Variants in TRDMT1 observed in about 807,000 individuals in gnomAD.
The protein encoded by TRDMT1 is tRNA (cytosine(38)-C(5))-methyltransferase.
Under a neutral mutation model 51.2 loss-of-function variants are expected in TRDMT1, and 49 were observed. The observed-to-expected ratio is 0.96, with a 90% CI of 0.76 to 1.21. The LOEUF (loss-of-function observed/expected upper bound fraction) is 1.21. Ranked by LOEUF, TRDMT1 falls within the 50% of genes most tolerant of loss-of-function variation. The probability of loss-of-function intolerance (pLI) is 0.00; values close to 1 mark genes in which losing one functional copy is unlikely to be tolerated. For synonymous variants in TRDMT1, 187 were observed against 164.6 expected, an observed-to-expected ratio of 1.14 and a Z score of -1.04; for missense variants, 534 against 462.3, an observed-to-expected ratio of 1.16 and a Z score of -1.42.
intron 1 of TRDMT1, among the ~76,000 whole-genome samples, chr10:17,185,607 CGT>C (rs1212178981): frequency 6.6e-6 from 1 of 152,130 alleles, no homozygotes; most frequent in Non-Finnish European, 1.5e-5. Flanking sequence ...CACATGCACA[CGT>C]ATGTTTATTG....
chr10:17,194,844 A>G (rs1490445393), intron 1 of TRDMT1, among the ~76,000 whole-genome samples: 1 of 151,320 alleles, frequency 6.6e-6, no homozygotes, highest in African/African-American at 2.4e-5. Flanking sequence ...CAGGCAGGAG[A>G]ATAGCTTGAA....
intron 10 of TRDMT1, chr10:17,151,607 G>A: frequency 2.0e-6 from 2 of 985,214 alleles, no homozygotes; most frequent in Non-Finnish European, 2.4e-6. Context: ...TTTAGAAGGA[G>A]GTTCAGTAAT....
At chr10:17,169,623 C>G in intron 2 of TRDMT1, 1 of 888,570 alleles carries the variant, frequency 1.1e-6, no homozygotes, top group Admixed American at 2.4e-5. Context: ...ACATCTTTAG[C>G]TAGAAACTTA....
At chr10:17,149,823 T>G (rs776021761) in intron 10 of TRDMT1, among the ~76,000 whole-genome samples, 9 of 152,200 alleles carry the variant, frequency 5.9e-5, no homozygotes, top group Non-Finnish European at 1.3e-4. Context: ...TCATTCCTTG[T>G]TGGTGGTGAA....
rs542728033 is a variant in TRDMT1 at position 17,150,412 on chromosome 10, A to C, written c.1076-1272T>G. ...GGTGTTTTTACACTCTGCTTCCACA[A>C]ATTGCCTTTCTCATATTGGACTTCC... On this transcript the variant is annotated intron_variant, in intron 10 of 10. Coordinates refer to ENST00000377799, the MANE Select transcript of TRDMT1 (RefSeq NM_004412.7). 2.3e-4 allele frequency: 231 copies of C among 985,314 alleles called. No homozygotes were observed. In the African/African-American group the frequency reaches 3.7e-3, roughly 16 times the overall value. The allele number at this position is 985,314 out of a possible 1,614,324, so 61.0% of individuals were successfully genotyped here.
intron 10 of TRDMT1, among the ~76,000 whole-genome samples, chr10:17,152,306 C>T (rs1331590459): frequency 1.3e-5 from 2 of 151,914 alleles, no homozygotes; most frequent in African/African-American, 4.8e-5. Context: ...GCAGGGAGTA[C>T]AAAATAAAAC....
intron 1 of TRDMT1, among the ~76,000 whole-genome samples, chr10:17,184,243 T>C (rs1191720178): frequency 2.0e-5 from 3 of 152,130 alleles, no homozygotes; most frequent in African/African-American, 7.2e-5. Flanking sequence ...CACTCATGAA[T>C]GGTTCCTTAC....
intron 9 of TRDMT1, among the ~76,000 whole-genome samples, chr10:17,154,354 A>G (rs1170456104): frequency 6.6e-6 from 1 of 152,172 alleles, no homozygotes; most frequent in Non-Finnish European, 1.5e-5. Context: ...CTCCAATATT[A>G]AGATGTTTGT....
intron 1 of TRDMT1, among the ~76,000 whole-genome samples, chr10:17,198,347 C>A (rs1845723792): frequency 6.6e-6 from 1 of 152,180 alleles, no homozygotes; most frequent in South Asian, 2.1e-4. Flanking sequence ...TACTTATATA[C>A]CAATATCCAA....
chr10:17,157,364 A>C (rs971977804), intron 8 of TRDMT1, 77 bp downstream of exon 8: 1 of 1,331,120 alleles, frequency 7.5e-7, no homozygotes, highest in African/African-American at 1.5e-5. Flanking sequence ...CCTTGTTTTT[A>C]GAAGAACTTA....
chr10:17,176,356 TAC>T (rs1209333704), intron 1 of TRDMT1, among the ~76,000 whole-genome samples: 3 of 152,218 alleles, frequency 2.0e-5, no homozygotes, highest in Non-Finnish European at 4.4e-5. Flanking sequence ...AGTGAAAATG[TAC>T]AGTGATGTGC....
chr10:17,178,894 AG>A (rs1304561004), intron 1 of TRDMT1, among the ~76,000 whole-genome samples: 1 of 152,210 alleles, frequency 6.6e-6, no homozygotes, highest in Non-Finnish European at 1.5e-5. Flanking sequence ...AGAGACCACC[AG>A]CCAAAATACG....
chr10:17,151,369 T>C, intron 10 of TRDMT1: 1 of 985,340 alleles, frequency 1.0e-6, no homozygotes, highest in Non-Finnish European at 1.2e-6. Flanking sequence ...GTGTTTTTCT[T>C]CAAAAGCCCG....
intron 1 of TRDMT1, among the ~76,000 whole-genome samples, chr10:17,183,949 T>C (rs12266056): frequency 0.025 from 3,737 of 152,184 alleles, 138 homozygotes; most frequent in African/African-American, 0.083. Flanking sequence ...ATTACAACAA[T>C]TGTAACTCAG....
intron 1 of TRDMT1, among the ~76,000 whole-genome samples, chr10:17,187,309 G>A (rs1439827390): frequency 6.6e-6 from 1 of 151,994 alleles, no homozygotes; most frequent in Non-Finnish European, 1.5e-5. Context: ...AACTTCACTA[G>A]TAATCAAAAA....
chr10:17,180,388 A>G (rs745770200), intron 1 of TRDMT1, among the ~76,000 whole-genome samples: 8 of 152,120 alleles, frequency 5.3e-5, no homozygotes, highest in Non-Finnish European at 1.2e-4. Flanking sequence ...TAAAAATACA[A>G]AAATCAGCTA....
rs1416333717 is a variant in TRDMT1, at chr10:17,148,503, T to C, written c.*537A>G. ...ACATTTAGGATTATTTTTCCTGACATATTCTTCAGTCTGCTGTATAAACTG... is the reference window on the plus strand; with the variant it reads ...ACATTTAGGATTATTTTTCCTGACACATTCTTCAGTCTGCTGTATAAACTG... On this transcript the variant is annotated 3_prime_UTR_variant, in exon 11 of 11. Coordinates refer to ENST00000377799, the MANE Select transcript of TRDMT1 (RefSeq NM_004412.7). 1.0e-6 allele frequency: 1 copy of C among 985,336 alleles called. No individual in the cohort carries two copies. The highest frequency in any genetic ancestry group is 1.2e-6 in the Non-Finnish European group (1 of 829,938). 61.0% of individuals were successfully genotyped at this position (985,336 alleles called of 1,614,324 possible). A position where few individuals can be genotyped will look rare whatever the true frequency, so the allele number is the denominator to read the frequency against.
At position 17,140,765 on chromosome 10, in the gene TRDMT1, A is replaced by G. The variant is rs566692856; in HGVS notation, c.*8275T>C. Among the ~76,000 whole-genome samples the G allele has an allele frequency of 2.8e-4, 42 of 152,370 alleles. No individual in the cohort carries two copies. The highest frequency in any genetic ancestry group is 8.9e-4 in the African/African-American group (37 of 41,592). On this transcript the variant is annotated 3_prime_UTR_variant, in exon 11 of 11. Coordinates refer to ENST00000377799, the MANE Select transcript of TRDMT1 (RefSeq NM_004412.7). Reference sequence around the variant, plus strand: ...AAGATCACATTCAATTGAAAAATATAAACAAGAAAAATTAAAATGCTATTA... The same window carrying G: ...AAGATCACATTCAATTGAAAAATATGAACAAGAAAAATTAAAATGCTATTA...
intron 3 of TRDMT1, 30 bp from the exon 4 acceptor site, chr10:17,162,267 A>AGGC (rs1564283875): frequency 2.0e-6 from 3 of 1,533,688 alleles, no homozygotes; most frequent in Non-Finnish European, 2.7e-6. Context: ...AAAAAACAAA[A>AGGC]AAAAACACAG....
Sources: allele counts gnomAD v4.1 joint callset (sites outside exome capture counted in the v4.1 genomes callset), GRCh38; gene constraint gnomAD v4.1.1; transcripts MANE v1.5; gene names NCBI Gene and HGNC (gene_info 2026-07-23, HGNC 2026-07-21).